ACACB: variants seen among roughly 807,000 people sequenced by gnomAD.
ACACB encodes acetyl-CoA carboxylase beta.
Under a neutral mutation model 278.8 loss-of-function variants are expected in ACACB, and 209 were observed. That is an observed-to-expected ratio of 0.75 (90% confidence interval 0.67 to 0.84). ACACB has a LOEUF of 0.84. ACACB is among the 40% of genes least tolerant of loss of function. The probability of loss-of-function intolerance (pLI) is 0.00; values close to 1 mark genes in which losing one functional copy is unlikely to be tolerated. For synonymous variants in ACACB, 1,174 were observed against 1,285.6 expected (o/e 0.91, Z 1.86); for missense variants, 2,850 against 3,269.0 (o/e 0.87, Z 3.13).
At chr12:109,226,258 G>A (rs577154657) in intron 27 of ACACB, among the ~76,000 whole-genome samples, 1 of 152,128 alleles carries the variant, frequency 6.6e-6, no homozygotes, top group African/African-American at 2.4e-5. Flanking sequence ...GTGATGGAGT[G>A]AGACCCTGTC....
At chr12:109,112,250 ATG>A (rs1325492463), upstream of ACACB, among the ~76,000 whole-genome samples, 19 of 146,574 alleles carry the variant, frequency 1.3e-4, no homozygotes, top group Non-Finnish European at 2.2e-4. Flanking sequence ...TTCAATATAT[ATG>A]TATGTATATT....
intron 4 of ACACB, among the ~76,000 whole-genome samples, chr12:109,168,594 T>G (rs183906203): frequency 6.6e-6 from 1 of 152,092 alleles, no homozygotes; most frequent in Middle Eastern, 3.4e-3. Flanking sequence ...GGTGGGAGGA[T>G]TGCTTGAGCC....
intron 1 of ACACB, among the ~76,000 whole-genome samples, chr12:109,121,348 G>T (rs2042544256): frequency 6.6e-6 from 1 of 152,212 alleles, no homozygotes; most frequent in Non-Finnish European, 1.5e-5. Context: ...GTTGCAAATA[G>T]ACTGGGGAAG....
At position 109,222,897 on chromosome 12, in the gene ACACB, C is replaced by A. The variant is rs374625291; in HGVS notation, c.3777C>A (p.Cys1259Ter). The A allele has an allele frequency of 1.9e-5, 31 of 1,610,564 alleles. No homozygotes were observed. The South Asian group carries it at 2.8e-4, about 14-fold the overall frequency. Residue 1259 changes from cysteine (C) to a stop codon, truncating the protein, a stop_gained, in exon 26 of 53, where the codon TGC (cysteine) becomes TGA (stop). Coordinates refer to ENST00000338432, the MANE Select transcript of ACACB (RefSeq NM_001093.4). LOFTEE classifies it high-confidence loss of function. ...SAIDMYGHQFCPENLKKLILS... is the reference protein window; with the variant it reads ...SAIDMYGHQF ...TTGACATGTACGGCCACCAGTTCTGCCCCGAGAACCTCAAGGTGAGCCCGT... is the reference window on the plus strand; with the variant it reads ...TTGACATGTACGGCCACCAGTTCTGACCCGAGAACCTCAAGGTGAGCCCGT...
Position 109,183,669 on chromosome 12 carries a change from TG to T in ACACB, c.1819-1909del, listed in dbSNP as rs762318165. ...ATTTACTGAATTTGTCAATTCGAAT[TG>T]TTTTTTTGGTGGATTCTTTAGGTTT... On this transcript the variant is annotated intron_variant, in intron 11 of 52. Transcript: ENST00000338432. 5.3e-5 allele frequency among the ~76,000 whole-genome samples: 8 copies of T among 152,328 alleles called. No individual in the cohort carries two copies. The South Asian group carries it at 1.7e-3, about 32-fold the overall frequency.
At chr12:109,120,113 T>G (rs1056542531) in intron 1 of ACACB, among the ~76,000 whole-genome samples, 3 of 152,198 alleles carry the variant, frequency 2.0e-5, no homozygotes, top group Admixed American at 6.5e-5. Flanking sequence ...CTAGAAGGCT[T>G]TCTCTGCTGT....
chr12:109,180,667 T>C (rs571865431), intron 11 of ACACB, among the ~76,000 whole-genome samples: 4 of 152,284 alleles, frequency 2.6e-5, no homozygotes, highest in Admixed American at 6.5e-5. Context: ...AGACGGAGTC[T>C]TGCTCTGTTG....
chr12:109,142,442 C>G (rs777748956), intron 2 of ACACB, among the ~76,000 whole-genome samples: 1 of 152,158 alleles, frequency 6.6e-6, no homozygotes, highest in Admixed American at 6.6e-5. Context: ...AAGTCTCCCA[C>G]CTTTCCACCC....
chr12:109,201,548 TC>T lies in ACACB; in HGVS notation c.2779-18del. 6.2e-7 allele frequency: 1 copy of T among 1,613,934 alleles called. No homozygotes were observed. Among genetic ancestry groups the T allele is most frequent in the Non-Finnish European group, 8.5e-7 (1 of 1,179,922 alleles). On this transcript the variant is annotated intron_variant, in intron 18 of 52. Transcript: ENST00000338432. The stretch of plus-strand genomic sequence containing the variant: ...CAATCCCGGTGGGCTCTGTACTATT[TC>T]TTCTTTTTACGAAATAGGTGATGAA...
rs188948280 is a variant in ACACB, at chr12:109,121,074, G to C, written c.-10+4370G>C. On this transcript the variant is annotated intron_variant, in intron 1 of 52. Coordinates refer to ENST00000338432, the MANE Select transcript of ACACB (RefSeq NM_001093.4). ...CCTGCCTCAGCCTCCCAAGTAGCTG[G>C]GACCACAGGTGCATATCACCACACT... Among the ~76,000 whole-genome samples the C allele has an allele frequency of 4.1e-3, 628 of 152,142 alleles. 6 individuals are homozygous for C. Among genetic ancestry groups the C allele is most frequent in the African/African-American group, 0.014 (589 of 41,488 alleles).
chr12:109,158,847 C>T (rs1259439890), intron 2 of ACACB, among the ~76,000 whole-genome samples: 1 of 152,102 alleles, frequency 6.6e-6, no homozygotes, highest in East Asian at 1.9e-4. Flanking sequence ...TGGTAGCACA[C>T]ATCTGTAGTC....
In ACACB at chr12:109,233,967, G is replaced by A. The variant is rs758253229; in HGVS notation, c.4269G>A (p.Leu1423=). 3 of 1,614,038 alleles carry A rather than the reference G, an allele frequency of 1.9e-6. No individual in the cohort carries two copies. In the African/African-American group the frequency reaches 4.0e-5, roughly 22 times the overall value. The change falls in exon 31 of 53, where the codon CTG becomes CTA. Residue 1423 remains leucine (L), a synonymous_variant. Transcript: ENST00000338432. ...TCAGAGAAGAGCCCATCCACATTCT[G>A]AATGTGTCCATCCAGTGTGCAGACC... ...KSLREEPIHI[L]NVSIQCADHL... is the part of the protein sequence containing the mutation.
chr12:109,185,555 G>T (rs1185027837), intron 11 of ACACB, 24 bp from the exon 12 acceptor site: 1 of 1,612,386 alleles, frequency 6.2e-7, no homozygotes, highest in East Asian at 2.2e-5. Context: ...CTGACAGTCT[G>T]TGGGTTGGAT....
chr12:109,167,107 G>C (rs1258158668), intron 3 of ACACB, 114 bp downstream of exon 3: 7 of 1,390,328 alleles, frequency 5.0e-6, no homozygotes, highest in South Asian at 2.5e-5. Flanking sequence ...TGCAGAGAGG[G>C]GGTGAGGGCC....
intron 2 of ACACB, among the ~76,000 whole-genome samples, chr12:109,164,798 A>G (rs1448319888): frequency 2.0e-5 from 3 of 147,564 alleles, no homozygotes; most frequent in Non-Finnish European, 4.5e-5. Context: ...GCTCACTGCA[A>G]CCTCCACCTC....
chr12:109,123,912 C>T (rs1181275059), intron 1 of ACACB, among the ~76,000 whole-genome samples: 1 of 151,528 alleles, frequency 6.6e-6, no homozygotes, highest in East Asian at 2.0e-4. Flanking sequence ...TGGTCTTGAA[C>T]TCCTGGGCTC....
intron 44 of ACACB, among the ~76,000 whole-genome samples, chr12:109,254,781 C>CT (rs111235224): frequency 0.01 from 1,503 of 145,218 alleles, 10 homozygotes; most frequent in Non-Finnish European, 0.012. Context: ...GTCTCCTCTT[C>CT]TTTTTTTTTT....
At chr12:109,264,428 C>G in intron 50 of ACACB, 42 bp downstream of exon 50, 1 of 1,598,968 alleles carries the variant, frequency 6.3e-7, no homozygotes, top group South Asian at 1.1e-5. Context: ...AGAGCCCACC[C>G]TGTTTTCCAA....
chr12:109,140,614 G>A (rs1364211815), intron 2 of ACACB, among the ~76,000 whole-genome samples: 4 of 152,106 alleles, frequency 2.6e-5, no homozygotes, highest in Non-Finnish European at 4.4e-5. Context: ...CTGAGATCAC[G>A]TCACTGCACT....
Sources: gnomAD v4.1 joint callset for allele counts (sites outside exome capture counted in the v4.1 genomes callset) on GRCh38, gnomAD v4.1.1 for gene constraint, MANE v1.5 for transcripts, NCBI Gene and HGNC (gene_info 2026-07-23, HGNC 2026-07-21) for gene names.